DUSP13B: variants seen among roughly 807,000 people sequenced by gnomAD.
The protein encoded by DUSP13B is dual specificity phosphatase 13B, also known as dual specificity protein phosphatase 13B.
At chr10:75,095,810 A>G in the DUSP13B span, 5 of 1,613,070 alleles carry the variant, frequency 3.1e-6, no homozygotes, top group Non-Finnish European at 8.5e-7. Context: ...AGGAGAGGGC[A>G]CAAGGGGTTA....
the DUSP13B span, among the ~76,000 whole-genome samples, chr10:75,096,482 T>C: frequency 6.7e-6 from 1 of 148,852 alleles, no homozygotes; most frequent in Non-Finnish European, 1.5e-5. Flanking sequence ...GAGGCTGAGG[T>C]GGGAGAATCA....
chr10:75,095,845 T>A, the DUSP13B span: 1 of 1,566,944 alleles, frequency 6.4e-7, no homozygotes, highest in Non-Finnish European at 8.8e-7. Flanking sequence ...GATCTCACTG[T>A]GGCAGCTCTG....
At chr10:75,094,759 G>T in the DUSP13B span, 5 of 1,614,166 alleles carry the variant, frequency 3.1e-6, no homozygotes, top group Non-Finnish European at 4.2e-6. Flanking sequence ...CAGATATTGC[G>T]GTGGGCCTGC....
chr10:75,099,234 G>A, the DUSP13B span: 78 of 1,232,156 alleles, frequency 6.3e-5, no homozygotes, highest in Non-Finnish European at 7.9e-5. Flanking sequence ...TAGGGAAGGT[G>A]CATACTGGGA....
chr10:75,102,032 C>T, the DUSP13B span: 2 of 1,186,952 alleles, frequency 1.7e-6, no homozygotes, highest in East Asian at 1.0e-4. Flanking sequence ...CCTGCCACTC[C>T]CAACTTGTCC....
the DUSP13B span, among the ~76,000 whole-genome samples, chr10:75,102,680 C>T: frequency 6.6e-6 from 1 of 152,032 alleles, no homozygotes; most frequent in Non-Finnish European, 1.5e-5. Context: ...GGGCTGGTCG[C>T]GGTGGCTCAT....
the DUSP13B span, among the ~76,000 whole-genome samples, chr10:75,098,485 G>C: frequency 6.6e-6 from 1 of 152,190 alleles, no homozygotes; most frequent in Non-Finnish European, 1.5e-5. Flanking sequence ...CCTCTGGCTG[G>C]GCACGGTGGC....
chr10:75,108,324 A>G, the DUSP13B span: 3 of 1,462,648 alleles, frequency 2.1e-6, no homozygotes, highest in African/African-American at 2.8e-5. Flanking sequence ...AGAGAGTCCA[A>G]CCCCAGCAAG....
chr10:75,098,992 C>T, the DUSP13B span: 3 of 1,232,258 alleles, frequency 2.4e-6, no homozygotes, highest in Non-Finnish European at 3.0e-6. Flanking sequence ...TACTGCTGAG[C>T]CACACACCTG....
the DUSP13B span, among the ~76,000 whole-genome samples, chr10:75,104,405 T>C: frequency 6.6e-6 from 1 of 152,150 alleles, no homozygotes; most frequent in Non-Finnish European, 1.5e-5. Flanking sequence ...CACAGTTTGG[T>C]GGATGACACC....
the DUSP13B span, chr10:75,098,997 C>T: frequency 8.1e-6 from 10 of 1,232,208 alleles, no homozygotes; most frequent in Non-Finnish European, 1.0e-5. Flanking sequence ...CTGAGCCACA[C>T]ACCTGCCTAC....
the DUSP13B span, among the ~76,000 whole-genome samples, chr10:75,103,225 G>C: frequency 6.6e-6 from 1 of 152,346 alleles, no homozygotes; most frequent in East Asian, 1.9e-4. Context: ...CATGTAAACT[G>C]GTGGCATTGC....
At chr10:75,104,222 GT>G in the DUSP13B span, 2 of 532,560 alleles carry the variant, frequency 3.8e-6, no homozygotes, top group Non-Finnish European at 3.0e-6. Flanking sequence ...TGTGCATAAG[GT>G]CAAGTGAGTG....
chr10:75,104,080 AG>A, the DUSP13B span: 3 of 1,356,152 alleles, frequency 2.2e-6, no homozygotes, highest in Non-Finnish European at 2.9e-6. Context: ...GCCCCATGGC[AG>A]GGAGTAAGGA....
chr10:75,107,663 G>GC, the DUSP13B span, among the ~76,000 whole-genome samples: 2 of 151,930 alleles, frequency 1.3e-5, no homozygotes, highest in African/African-American at 2.4e-5. Flanking sequence ...TGCAACCTCC[G>GC]CCCCCCATGT....
the DUSP13B span, among the ~76,000 whole-genome samples, chr10:75,103,082 T>G: frequency 6.6e-6 from 1 of 152,158 alleles, no homozygotes; most frequent in South Asian, 2.1e-4. Context: ...ACCATGCCAT[T>G]GCACTCCAGC....
chr10:75,095,493 C>T, the DUSP13B span: 3 of 1,321,326 alleles, frequency 2.3e-6, no homozygotes, highest in East Asian at 4.6e-5. Flanking sequence ...TCTCTGGACT[C>T]CCACCCACCA....
the DUSP13B span, among the ~76,000 whole-genome samples, chr10:75,098,378 G>A: frequency 1.3e-5 from 2 of 152,330 alleles, no homozygotes; most frequent in South Asian, 2.1e-4. Flanking sequence ...GGGGCTTGGA[G>A]ATCAGAGCCT....
At chr10:75,105,569 T>C in the DUSP13B span, 12 of 1,258,538 alleles carry the variant, frequency 9.5e-6, no homozygotes, top group African/African-American at 1.8e-4. Context: ...TGCCAACCAA[T>C]CCTGGAAGAA....
Sources: allele counts gnomAD v4.1 joint callset (sites outside exome capture counted in the v4.1 genomes callset), GRCh38; gene constraint gnomAD v4.1.1; transcripts MANE v1.5; gene names NCBI Gene and HGNC (gene_info 2026-07-23, HGNC 2026-07-21).